The following DMD variants were observed in gnomAD, a reference collection of about 807,000 sequenced individuals.
The protein encoded by DMD is dystrophin, also known as mutant dystrophin.
Under a neutral mutation model 330.1 loss-of-function variants are expected in DMD, and 63 were observed. The observed-to-expected ratio is 0.19, with a 90% CI of 0.16 to 0.24. The LOEUF is 0.24. Among genes scored for constraint, DMD ranks in the 10% least tolerant of loss-of-function variants. The probability of loss-of-function intolerance (pLI) is 1.00; values close to 1 mark genes in which losing one functional copy is unlikely to be tolerated. For synonymous variants in DMD, 1,223 were observed against 959.8 expected (o/e 1.27, Z -5.07); for missense variants, 3,344 against 2,684.1 (o/e 1.25, Z -5.43).
intron 2 of DMD, among the ~76,000 whole-genome samples, chrX:32,861,030 C>T (rs1282026638): frequency 1.8e-5 from 2 of 111,955 alleles, no homozygotes; most frequent in African/African-American, 6.5e-5. Context: ...GTTGACTGTA[C>T]ACCCAGAATG....
chrX:31,510,506 CTT>C (rs756448666), intron 55 of DMD, among the ~76,000 whole-genome samples: 4 of 84,524 alleles, frequency 4.7e-5, no homozygotes, highest in African/African-American at 1.4e-4. Context: ...TCTGACTGCT[CTT>C]TTTTTTTTTT....
intron 2 of DMD, among the ~76,000 whole-genome samples, chrX:33,015,009 A>C (rs1449874000): frequency 1.8e-5 from 2 of 111,430 alleles, no homozygotes; most frequent in Non-Finnish European, 3.8e-5. Context: ...CTGCTTTATC[A>C]AAAAATAACG....
Position 32,579,650 on chromosome X carries a change from A to G in DMD, c.1603-5804T>C, listed in dbSNP as rs139750609. Among the ~76,000 whole-genome samples the G allele has an allele frequency of 5.3e-3, 600 of 113,024 alleles. 6 individuals carry two copies. The highest frequency in any genetic ancestry group is 0.018 in the African/African-American group (570 of 31,179). ...TTTAACATTTAATCTAATCTGCTTC[A>G]CAAGGATGTGAAGCTTAATGTTATA... is the stretch of plus-strand genomic sequence containing the variant. On this transcript the variant is annotated intron_variant, in intron 13 of 78. Coordinates refer to ENST00000357033, the MANE Select transcript of DMD (RefSeq NM_004006.3).
At chrX:33,093,137 A>G (rs1485098749) in intron 1 of DMD, among the ~76,000 whole-genome samples, 1 of 111,745 alleles carries the variant, frequency 8.9e-6, no homozygotes, top group African/African-American at 3.3e-5. Context: ...GGCCTCCCAA[A>G]GTGTTGGGAT....
chrX:31,630,650 TATG>T (rs893954687), intron 54 of DMD, among the ~76,000 whole-genome samples: 11 of 111,134 alleles, frequency 9.9e-5, no homozygotes, highest in African/African-American at 3.6e-4. Context: ...AAGTGGCTTA[TATG>T]ATAAGTAAAA....
At chrX:31,141,687 G>C (rs1330093387) in intron 76 of DMD, among the ~76,000 whole-genome samples, 1 of 111,188 alleles carries the variant, frequency 9.0e-6, no homozygotes, top group Non-Finnish European at 1.9e-5. Context: ...GTATAGATTG[G>C]GAAATTGGAA....
At chrX:32,539,698 A>C (rs995015798) in intron 17 of DMD, among the ~76,000 whole-genome samples, 2 of 111,825 alleles carry the variant, frequency 1.8e-5, no homozygotes, top group African/African-American at 6.5e-5. Context: ...TCTGTTATCT[A>C]TTTTCTTTCC....
chrX:33,229,467 A>C (rs1462337163), intron 1 of DMD, among the ~76,000 whole-genome samples: 1 of 111,704 alleles, frequency 9.0e-6, no homozygotes, highest in Non-Finnish European at 1.9e-5. Context: ...ACTCACTTAG[A>C]AAAAACGCAC....
intron 20 of DMD, among the ~76,000 whole-genome samples, chrX:32,490,242 G>T (rs1477018446): frequency 1.8e-5 from 2 of 111,462 alleles, no homozygotes; most frequent in African/African-American, 6.5e-5. Flanking sequence ...ATCACTAAAC[G>T]TTCATCCTGG....
At chrX:32,736,009 C>T (rs2068419032) in intron 7 of DMD, among the ~76,000 whole-genome samples, 1 of 111,253 alleles carries the variant, frequency 9.0e-6, no homozygotes, top group Non-Finnish European at 1.9e-5. Flanking sequence ...ATTTTTGCAA[C>T]CTACTCATCT....
chrX:32,585,844 T>G (rs1270446719), intron 13 of DMD, among the ~76,000 whole-genome samples: 1 of 110,008 alleles, frequency 9.1e-6, no homozygotes, highest in Non-Finnish European at 1.9e-5. Context: ...ATGAGAGAAT[T>G]TATTGTTCAA....
intron 1 of DMD, among the ~76,000 whole-genome samples, chrX:33,329,799 T>C (rs1033236639): frequency 1.8e-5 from 2 of 111,918 alleles, no homozygotes; most frequent in Non-Finnish European, 3.8e-5. Context: ...TGGATGCTGG[T>C]AATATTCTTT....
At chrX:31,644,054 A>G (rs16989742) in intron 54 of DMD, among the ~76,000 whole-genome samples, 6,421 of 111,432 alleles carry the variant, frequency 0.058, 468 homozygotes, top group African/African-American at 0.19. Flanking sequence ...TCTGACTTGT[A>G]CTTTCAAAGT....
At chrX:32,844,741 G>A in intron 4 of DMD, 42 bp downstream of exon 4, 1 of 1,091,475 alleles carries the variant, frequency 9.2e-7, no homozygotes, top group Non-Finnish European at 1.3e-6. Flanking sequence ...CATGAAGCAT[G>A]CTGTGTCACA....
intron 56 of DMD, among the ~76,000 whole-genome samples, chrX:31,504,512 A>G (rs1004202998): frequency 1.8e-5 from 2 of 111,975 alleles, no homozygotes; most frequent in African/African-American, 6.5e-5. Context: ...CTATTTTTCC[A>G]GTATATCATT....
chrX:32,525,400 G>A (rs1370257263), intron 17 of DMD, among the ~76,000 whole-genome samples: 1 of 110,933 alleles, frequency 9.0e-6, no homozygotes, highest in South Asian at 3.9e-4. Context: ...GAAGGGTGAA[G>A]AGGAAGCAGA....
intron 67 of DMD, among the ~76,000 whole-genome samples, chrX:31,194,124 G>A (rs145214192): frequency 0.01 from 1,150 of 111,029 alleles, 9 homozygotes; most frequent in African/African-American, 0.036. Context: ...AGGTTGCAGT[G>A]AGCCGAGATT....
At chrX:31,852,419 G>A (rs1481525070) in intron 48 of DMD, among the ~76,000 whole-genome samples, 1 of 111,842 alleles carries the variant, frequency 8.9e-6, no homozygotes, top group Non-Finnish European at 1.9e-5. Context: ...CTGCTTAGAA[G>A]AACATTCATT....
chrX:32,334,698 C>A (rs1603631007), intron 41 of DMD, among the ~76,000 whole-genome samples: 2 of 111,140 alleles, frequency 1.8e-5, no homozygotes, highest in East Asian at 5.7e-4. Context: ...CTTATTTCAC[C>A]ATCACTCAAA....
Sources: allele counts gnomAD v4.1 joint callset (sites outside exome capture counted in the v4.1 genomes callset), GRCh38; gene constraint gnomAD v4.1.1; transcripts MANE v1.5; gene names NCBI Gene and HGNC (gene_info 2026-07-23, HGNC 2026-07-21).